The following AP3B1 variants were observed in gnomAD, a reference collection of about 807,000 sequenced individuals.
The protein encoded by AP3B1 is AP-3 complex subunit beta-1.
A neutral mutation model predicts 132.5 loss-of-function variants in AP3B1; 61 were observed. That is an observed-to-expected ratio of 0.46 (90% CI 0.37 to 0.57). AP3B1 has a LOEUF of 0.57. Among genes scored for constraint, AP3B1 ranks in the 20% least tolerant of loss-of-function variants. The pLI, the probability that AP3B1 is intolerant of heterozygous loss-of-function variation, is 0.00. For synonymous variants in AP3B1, 388 were observed against 438.3 expected (o/e 0.89, Z 1.43); for missense variants, 1,120 against 1,289.4 (o/e 0.87, Z 2.01).
chr5:78,117,722 T>C (rs1378986573), intron 17 of AP3B1, among the ~76,000 whole-genome samples: 1 of 152,210 alleles, frequency 6.6e-6, no homozygotes, highest in Non-Finnish European at 1.5e-5. Context: ...ATACTGACTT[T>C]AGTGTTTACT....
intron 21 of AP3B1, among the ~76,000 whole-genome samples, chr5:78,095,938 T>G (rs1750752009): frequency 6.6e-6 from 1 of 152,204 alleles, no homozygotes; most frequent in Non-Finnish European, 1.5e-5. Context: ...GGGATCAAAG[T>G]TCCCTTAAAA....
At chr5:78,117,172 C>CAT (rs1751883147) in intron 17 of AP3B1, among the ~76,000 whole-genome samples, 2 of 122,244 alleles carry the variant, frequency 1.6e-5, no homozygotes, top group Non-Finnish European at 3.4e-5. Context: ...TCCCCACCAC[C>CAT]TTTTTTTTTT....
rs1207173270 is a variant in AP3B1 at position 78,141,335 on chromosome 5, G to C, written c.1474-16C>G. On this transcript the variant is annotated splice_polypyrimidine_tract_variant and intron_variant, in intron 14 of 26. Transcript: ENST00000255194. ...CAACAGGAACCTAATATGAGAAGCA[G>C]ATTACATAGTTAGAAGTAAGTTAAT... 6.2e-7 allele frequency: 1 copy of C among 1,606,046 alleles called. No individual in the cohort carries two copies. Among genetic ancestry groups the C allele is most frequent in the Non-Finnish European group, 8.5e-7 (1 of 1,173,438 alleles).
intron 7 of AP3B1, among the ~76,000 whole-genome samples, chr5:78,208,693 G>C (rs1471569972): frequency 1.3e-5 from 2 of 151,948 alleles, no homozygotes; most frequent in Non-Finnish European, 2.9e-5. Flanking sequence ...ACTGACATTG[G>C]GTAGACAAGA....
chr5:78,260,239 A>G (rs1748027331), intron 2 of AP3B1, among the ~76,000 whole-genome samples: 1 of 152,140 alleles, frequency 6.6e-6, no homozygotes, highest in Non-Finnish European at 1.5e-5. Context: ...TGCCATCTAC[A>G]TTCTCTTCCT....
chr5:78,069,824 G>A (rs866320131), intron 22 of AP3B1, among the ~76,000 whole-genome samples: 6 of 152,034 alleles, frequency 3.9e-5, no homozygotes, highest in Admixed American at 6.5e-5. Context: ...CAAAGCTGGC[G>A]GTATCACTCT....
chr5:78,038,612 A>T (rs1250471512), intron 23 of AP3B1, among the ~76,000 whole-genome samples: 3 of 152,246 alleles, frequency 2.0e-5, no homozygotes, highest in African/African-American at 7.2e-5. Context: ...TGAAAAGTGA[A>T]GGGAAACAGG....
chr5:78,166,169 A>G (rs554633483), intron 11 of AP3B1, among the ~76,000 whole-genome samples: 6 of 107,836 alleles, frequency 5.6e-5, no homozygotes, highest in African/African-American at 2.1e-4. Context: ...ACACACACAC[A>G]CACAAATCAT....
intron 1 of AP3B1, among the ~76,000 whole-genome samples, chr5:78,273,196 G>C (rs921725677): frequency 1.3e-5 from 2 of 152,080 alleles, no homozygotes; most frequent in African/African-American, 4.8e-5. Flanking sequence ...CTTGACCTCA[G>C]GAGTTTGAGA....
At chr5:78,232,083 T>C (rs1031924873) in intron 3 of AP3B1, among the ~76,000 whole-genome samples, 2 of 152,194 alleles carry the variant, frequency 1.3e-5, no homozygotes, top group African/African-American at 4.8e-5. Context: ...TACTTTGGGG[T>C]CAGATAAAAC....
intron 14 of AP3B1, among the ~76,000 whole-genome samples, chr5:78,146,885 T>C (rs899934801): frequency 1.3e-5 from 2 of 152,152 alleles, no homozygotes; most frequent in Non-Finnish European, 2.9e-5. Context: ...TCTCATTTCA[T>C]TGCTTAAGGT....
chr5:78,163,603 A>ATG (rs568118758), intron 12 of AP3B1, among the ~76,000 whole-genome samples: 28 of 133,314 alleles, frequency 2.1e-4, no homozygotes, highest in South Asian at 7.1e-4. Flanking sequence ...ATATATATAT[A>ATG]TGTGTGTGTG....
At chr5:78,089,354 A>G (rs763902300) in intron 22 of AP3B1, 39 bp downstream of exon 22, 12 of 1,415,798 alleles carry the variant, frequency 8.5e-6, no homozygotes, top group Admixed American at 8.4e-5. Flanking sequence ...CAATGGCAAC[A>G]TAAGAAAACC....
At chr5:78,290,724 G>A (rs576508693) in intron 1 of AP3B1, among the ~76,000 whole-genome samples, 24 of 152,244 alleles carry the variant, frequency 1.6e-4, no homozygotes, top group East Asian at 7.7e-4. Context: ...TGAGGCAGGC[G>A]GATTGCTTGA....
At chr5:78,050,763 T>C (rs1748546807) in intron 22 of AP3B1, among the ~76,000 whole-genome samples, 1 of 152,184 alleles carries the variant, frequency 6.6e-6, no homozygotes, top group Non-Finnish European at 1.5e-5. Context: ...AAAACATTAG[T>C]TTTGATTTAA....
chr5:78,112,356 A>G (rs571694241), intron 19 of AP3B1, among the ~76,000 whole-genome samples: 1 of 152,336 alleles, frequency 6.6e-6, no homozygotes, highest in East Asian at 1.9e-4. Flanking sequence ...TTCACTGGTT[A>G]AAATGTGTAC....
chr5:78,066,359 G>A (rs181844469), intron 22 of AP3B1, among the ~76,000 whole-genome samples: 15 of 152,252 alleles, frequency 9.9e-5, no homozygotes, highest in African/African-American at 2.9e-4. Flanking sequence ...GGGTAATAAC[G>A]AACTTTGCTG....
intron 15 of AP3B1, among the ~76,000 whole-genome samples, chr5:78,132,332 C>A (rs1752724867): frequency 2.0e-5 from 3 of 152,170 alleles, no homozygotes; most frequent in Admixed American, 1.3e-4. Context: ...TTTACAACAG[C>A]ATTTGCAATA....
Position 78,259,654 on chromosome 5 carries a change from T to C in AP3B1, c.204+7866A>G, listed in dbSNP as rs565010029. 1.8e-4 allele frequency among the ~76,000 whole-genome samples: 27 copies of C among 152,240 alleles called. No individual in the cohort carries two copies. In the South Asian group the frequency reaches 4.8e-3, roughly 27 times the overall value. ...ACCCCCAAAATACATACACCTACTA[T>C]GTGCCCACTAAAATTAAAAATACAT... On this transcript the variant is annotated intron_variant, in intron 2 of 26. Coordinates refer to ENST00000255194, the MANE Select transcript of AP3B1 (RefSeq NM_003664.5).
Sources: allele counts gnomAD v4.1 joint callset (sites outside exome capture counted in the v4.1 genomes callset), GRCh38; gene constraint gnomAD v4.1.1; transcripts MANE v1.5; gene names NCBI Gene and HGNC (gene_info 2026-07-23, HGNC 2026-07-21).